Variants in A2ML1 observed in about 807,000 individuals in gnomAD.
The protein encoded by A2ML1 is alpha-2-macroglobulin-like protein 1.
A2ML1 carries 161 observed loss-of-function variants against 181.9 expected under a neutral mutation model. The ratio of observed to expected loss-of-function variants is 0.89; its 90% CI spans 0.78 to 1.01. A2ML1 has a LOEUF of 1.01. Ranked by LOEUF, A2ML1 falls within the 50% of genes least tolerant of loss-of-function variation. The probability of loss-of-function intolerance (pLI) is 0.00; values close to 1 mark genes in which losing one functional copy is unlikely to be tolerated. For synonymous variants in A2ML1, 663 were observed against 666.8 expected (o/e 0.99, Z 0.09); for missense variants, 1,670 against 1,768.1 (o/e 0.94, Z 1.00).
chr12:8,874,277 A>C, intron 33 of A2ML1, 148 bp from the exon 34 acceptor site: 1 of 530,702 alleles, frequency 1.9e-6, no homozygotes, highest in South Asian at 2.1e-5. Context: ...CGGCCTCCCA[A>C]AGTGCTGGGA....
intron 12 of A2ML1, 121 bp from the exon 13 acceptor site, chr12:8,845,321 C>T: frequency 2.8e-6 from 4 of 1,417,658 alleles, no homozygotes; most frequent in East Asian, 2.3e-5. Flanking sequence ...GGTATTGACC[C>T]GGACTCTGAA....
chr12:8,850,362 A>G, intron 18 of A2ML1, 88 bp downstream of exon 18: 2 of 950,934 alleles, frequency 2.1e-6, no homozygotes, highest in Non-Finnish European at 3.0e-6. Flanking sequence ...AGGAGGGAGG[A>G]TCACTTGAGA....
intron 15 of A2ML1, 44 bp downstream of exon 15, chr12:8,847,742 G>A: frequency 6.3e-7 from 1 of 1,590,190 alleles, no homozygotes; most frequent in Non-Finnish European, 8.6e-7. Flanking sequence ...GGAGTTGATG[G>A]AGAAGACAAT....
At chr12:8,853,984 G>C in intron 20 of A2ML1, 144 bp from the exon 21 acceptor site, 1 of 1,080,310 alleles carries the variant, frequency 9.3e-7, no homozygotes, top group Non-Finnish European at 1.2e-6. Flanking sequence ...GCAGAATATG[G>C]GCCCCACCCC....
At position 8,840,978 on chromosome 12, in the gene A2ML1, A is replaced by AAGGAAG. The variant is rs1943451951; in HGVS notation, c.1081-391_1081-390insAGGAAG. Among the ~76,000 whole-genome samples, 25 of 125,282 alleles carry AAGGAAG rather than the reference A, an allele frequency of 2.0e-4. 1 individual carries two copies. Among genetic ancestry groups the AAGGAAG allele is most frequent in the African/African-American group, 6.1e-4 (19 of 31,238 alleles). The allele number at this position is 125,282 out of a possible 152,430, so 82.2% of individuals were successfully genotyped here. On this transcript the variant is annotated intron_variant, in intron 10 of 35. Transcript: ENST00000299698. ...AGGAAGGAAGGAAAGAAGGAAGGAA[A>AAGGAAG]GAAGGAAGGAAGGAAGGAAGGAAGG...
intron 14 of A2ML1, among the ~76,000 whole-genome samples, chr12:8,846,762 G>A (rs1943699755): frequency 6.9e-6 from 1 of 145,804 alleles, no homozygotes; most frequent in South Asian, 2.1e-4. Context: ...AGTGAGCAAA[G>A]AACACACCAT....
At chr12:8,842,310 C>T (rs537228717) in intron 11 of A2ML1, among the ~76,000 whole-genome samples, 229 of 152,068 alleles carry the variant, frequency 1.5e-3, no homozygotes, top group Middle Eastern at 3.4e-3. Context: ...CTCCGCCTCC[C>T]CGGTTCACGC....
At chr12:8,857,369 A>G (rs1467670294) in intron 24 of A2ML1, 29 bp downstream of exon 24, 1 of 1,611,146 alleles carries the variant, frequency 6.2e-7, no homozygotes, top group African/African-American at 1.4e-5. Flanking sequence ...TCTTTCTTGA[A>G]CACTCTCCTC....
intron 21 of A2ML1, 56 bp downstream of exon 21, chr12:8,854,305 G>C (rs759287868): frequency 2.0e-6 from 3 of 1,524,836 alleles, no homozygotes; most frequent in Non-Finnish European, 2.6e-6. Context: ...TCAGCATCTC[G>C]TCTTGCTGTG....
chr12:8,856,898 CTTTTTTTT>C (rs71891886), intron 23 of A2ML1, among the ~76,000 whole-genome samples: 2 of 124,972 alleles, frequency 1.6e-5, no homozygotes, highest in African/African-American at 5.9e-5. Flanking sequence ...ACAGTAGGTA[CTTTTTTTT>C]TTTTTTTTTT....
intron 31 of A2ML1, 25 bp downstream of exon 31, chr12:8,868,382 G>C (rs1439809600): frequency 6.2e-7 from 1 of 1,608,676 alleles, no homozygotes; most frequent in Non-Finnish European, 8.5e-7. Context: ...GGTGCTGGTG[G>C]CCGGCAGAGC....
rs533219117 is a variant in A2ML1, at chr12:8,886,010, T to A, written c.*95-497T>A. Among the ~76,000 whole-genome samples, 829 of 145,000 alleles carry A rather than the reference T, an allele frequency of 5.7e-3. 4 individuals are homozygous for A. The highest frequency in any genetic ancestry group is 0.019 in the African/African-American group (742 of 39,226). ...ACTTCGCCTATCCTTCAACAATATC[T>A]CACACACACACACACACACACACAC... On this transcript the variant is annotated intron_variant and NMD_transcript_variant, in intron 7 of 7. Transcript: ENST00000537475.
intron 8 of A2ML1, among the ~76,000 whole-genome samples, 159 bp downstream of exon 8, chr12:8,837,725 C>A (rs1943332804): frequency 6.6e-6 from 1 of 151,708 alleles, no homozygotes; most frequent in Admixed American, 6.6e-5. Context: ...ATTAAAAATT[C>A]AAAAAATTGG....
rs775772721 is a variant in A2ML1 at position 8,838,361 on chromosome 12, C to T, written c.881C>T (p.Ala294Val). 25 of 1,613,500 alleles carry T rather than the reference C, an allele frequency of 1.5e-5. No homozygotes were observed. The highest frequency in any genetic ancestry group is 2.0e-5 in the Non-Finnish European group (24 of 1,179,754). ...ACTGACAAAACAGGATGTTTCTCAG[C>T]ACCTGTGGACATGGCCACCTTTGAC... is the stretch of plus-strand genomic sequence containing the variant. ...GQTDKTGCFS[A>V]PVDMATFDLI... is the part of the protein sequence containing the mutation. The change falls in exon 9 of 36, where the codon GCA becomes GTA. Residue 294 changes from alanine (A) to valine (V), a missense_variant. Transcript: ENST00000299698.
intron 1 of A2ML1, among the ~76,000 whole-genome samples, 197 bp from the exon 2 acceptor site, chr12:8,822,985 G>A (rs1423386656): frequency 6.6e-6 from 1 of 152,162 alleles, no homozygotes; most frequent in Non-Finnish European, 1.5e-5. Context: ...TGCTCGGTGA[G>A]GGCCTCCTGA....
chr12:8,880,923 G>A (rs1257979239), downstream of A2ML1, among the ~76,000 whole-genome samples: 1 of 152,218 alleles, frequency 6.6e-6, no homozygotes, highest in South Asian at 2.1e-4. Context: ...TGAGCAGAGT[G>A]ATTCTTTGCA....
At chr12:8,827,641 A>G (rs988406575) in intron 3 of A2ML1, among the ~76,000 whole-genome samples, 2 of 152,116 alleles carry the variant, frequency 1.3e-5, no homozygotes, top group African/African-American at 4.8e-5. Flanking sequence ...ATTTTTTCCA[A>G]CATGGTCTTG....
In A2ML1 at chr12:8,838,322, G is replaced by C; in HGVS notation, c.856-14G>C. 1 of 1,591,428 alleles carries C rather than the reference G, an allele frequency of 6.3e-7. No homozygotes were observed. Among genetic ancestry groups the C allele is most frequent in the East Asian group, 2.2e-5 (1 of 44,698 alleles). On this transcript the variant is annotated splice_polypyrimidine_tract_variant and intron_variant, in intron 8 of 35. Transcript: ENST00000299698. ...TCATCTGCTCTCTATCTCTGTCTCT[G>C]ATCACCTCACTAGACTGACAAAACA...
At chr12:8,878,980 TAAAA>T (rs1388692151), downstream of A2ML1, among the ~76,000 whole-genome samples, 1 of 151,624 alleles carries the variant, frequency 6.6e-6, no homozygotes, top group Admixed American at 6.6e-5. The surrounding 1 kb of genome is among the most constrained non-coding windows in gnomAD (Gnocchi z 4.4). Flanking sequence ...TAGAATAAAA[TAAAA>T]TAAATAAAAG....
Sources: allele counts gnomAD v4.1 joint callset (sites outside exome capture counted in the v4.1 genomes callset), GRCh38; gene constraint gnomAD v4.1.1; non-coding constraint Gnocchi (gnomAD v3.1); transcripts MANE v1.5; gene names NCBI Gene and HGNC (gene_info 2026-07-23, HGNC 2026-07-21).